The following PTPRD variants were observed in gnomAD, a reference collection of about 807,000 sequenced individuals.
PTPRD encodes receptor-type tyrosine-protein phosphatase delta.
In PTPRD, 34 loss-of-function variants were observed where a neutral mutation model predicts 214.5. The observed-to-expected ratio is 0.16, with a 90% CI of 0.12 to 0.21. The LOEUF (loss-of-function observed/expected upper bound fraction) is 0.21, where lower values mean the gene tolerates loss of function less well. PTPRD is among the 10% of genes least tolerant of loss of function. PTPRD has a pLI of 1.00. For synonymous variants in PTPRD, 1,128 were observed against 845.7 expected, an observed-to-expected ratio of 1.33 and a Z score of -5.79; for missense variants, 2,545 against 2,398.7, an observed-to-expected ratio of 1.06 and a Z score of -1.27.
intron 12 of PTPRD, among the ~76,000 whole-genome samples, chr9:8,638,878 C>T (rs2096508537): frequency 4.6e-5 from 7 of 152,176 alleles, no homozygotes; most frequent in Admixed American, 3.3e-4. Flanking sequence ...GAGTCTCACT[C>T]TGTCGCCAGG....
At chr9:9,437,491 A>C (rs1221853040) in intron 8 of PTPRD, among the ~76,000 whole-genome samples, 1 of 152,012 alleles carries the variant, frequency 6.6e-6, no homozygotes, top group Non-Finnish European at 1.5e-5. Context: ...TGCGATTTTT[A>C]ATATATTTTA....
chr9:10,505,698 A>AC (rs1210341318), intron 2 of PTPRD, among the ~76,000 whole-genome samples: 3 of 152,152 alleles, frequency 2.0e-5, no homozygotes, highest in African/African-American at 4.8e-5. Context: ...AAAAAAAAAA[A>AC]AACTGCAGAT....
At chr9:10,294,165 T>C (rs916311612) in intron 3 of PTPRD, among the ~76,000 whole-genome samples, 1 of 151,952 alleles carries the variant, frequency 6.6e-6, no homozygotes, top group Non-Finnish European at 1.5e-5. Flanking sequence ...CAGTAAACAC[T>C]GCCCAAAAAC....
chr9:10,365,981 C>G (rs1449033449), intron 2 of PTPRD, among the ~76,000 whole-genome samples: 1 of 152,118 alleles, frequency 6.6e-6, no homozygotes, highest in Non-Finnish European at 1.5e-5. Flanking sequence ...ACTAAACAGT[C>G]AAATGCAGAA....
At chr9:9,870,207 A>G (rs953986415) in intron 5 of PTPRD, among the ~76,000 whole-genome samples, 10 of 152,042 alleles carry the variant, frequency 6.6e-5, no homozygotes, top group African/African-American at 2.4e-4. Context: ...AATAATTTCT[A>G]TTTTGAAGTA....
At chr9:8,666,270 T>A (rs190078260) in intron 12 of PTPRD, among the ~76,000 whole-genome samples, 2 of 152,336 alleles carry the variant, frequency 1.3e-5, no homozygotes, top group African/African-American at 4.8e-5. Context: ...ATGCTGATTA[T>A]GATTCATTTC....
chr9:10,510,928 C>A (rs1035552607), intron 2 of PTPRD, among the ~76,000 whole-genome samples: 2 of 152,068 alleles, frequency 1.3e-5, no homozygotes, highest in Non-Finnish European at 2.9e-5. Context: ...CTTTTAGTTC[C>A]CACATATGAC....
chr9:9,963,107 T>A (rs557713198), intron 4 of PTPRD, among the ~76,000 whole-genome samples: 147 of 152,218 alleles, frequency 9.7e-4, no homozygotes, highest in Admixed American at 3.7e-3. Flanking sequence ...TAGTAACAAG[T>A]TTAGTAGAAA....
chr9:9,645,046 T>A (rs1160838936), intron 7 of PTPRD, among the ~76,000 whole-genome samples: 2 of 152,238 alleles, frequency 1.3e-5, no homozygotes, highest in Admixed American at 1.3e-4. Context: ...CTTAGCCATC[T>A]GCAGACAGCA....
At chr9:8,986,674 AT>A (rs1047278661) in intron 11 of PTPRD, among the ~76,000 whole-genome samples, 9 of 152,052 alleles carry the variant, frequency 5.9e-5, no homozygotes, top group African/African-American at 2.2e-4. Context: ...TAGAACACAA[AT>A]TTTGTAAAAA....
chr9:8,564,092 T>C (rs1002413001), intron 14 of PTPRD, among the ~76,000 whole-genome samples: 10 of 152,224 alleles, frequency 6.6e-5, no homozygotes, highest in Non-Finnish European at 1.0e-4. Flanking sequence ...CTGGTGATGC[T>C]GGACAGCAGA....
At chr9:8,391,610 C>G (rs2089591775) in intron 36 of PTPRD, among the ~76,000 whole-genome samples, 2 of 152,160 alleles carry the variant, frequency 1.3e-5, no homozygotes, top group South Asian at 4.1e-4. Context: ...ACTTTCAAAA[C>G]TTTAATTTAG....
In PTPRD at chr9:8,479,130, G is replaced by T. The variant is rs142553150; in HGVS notation, c.3413+4989C>A. Among the ~76,000 whole-genome samples, 89 of 152,324 alleles carry T rather than the reference G, an allele frequency of 5.8e-4. 1 individual carries two copies. The East Asian group carries it at 0.016, about 27-fold the overall frequency. ...TTTCTAAACTTGCCAACCACGGCAA[G>T]TGACACAGCATGGCACGGAGCTTCT... is the stretch of plus-strand genomic sequence containing the variant. On this transcript the variant is annotated intron_variant, in intron 30 of 45. Coordinates refer to ENST00000381196, the MANE Select transcript of PTPRD (RefSeq NM_002839.4).
At chr9:9,813,366 AAAAC>A (rs1399916793) in intron 5 of PTPRD, among the ~76,000 whole-genome samples, 1 of 130,884 alleles carries the variant, frequency 7.6e-6, no homozygotes, top group Non-Finnish European at 1.5e-5. Context: ...TTTCTAAAGA[AAAAC>A]AAAATTGATA....
At position 8,713,849 on chromosome 9, in the gene PTPRD, G is replaced by T; in HGVS notation, c.64+19931C>A. On this transcript the variant is annotated intron_variant, in intron 12 of 45. Transcript: ENST00000381196. ...CCCAACACCTTCTTCTAGGTGCAGG[G>T]CCCTCGCCCGGGTGCGCCCCAAATA... 5.7e-6 allele frequency: 8 copies of T among 1,409,328 alleles called. 1 individual carries two copies. In the South Asian group the frequency reaches 9.9e-5, roughly 17 times the overall value. 87.3% of individuals were successfully genotyped at this position (1,409,328 alleles called of 1,614,324 possible). A position where few individuals can be genotyped will look rare whatever the true frequency, so the allele number is the denominator to read the frequency against.
intron 10 of PTPRD, among the ~76,000 whole-genome samples, chr9:9,117,242 T>G (rs1569546665): frequency 6.6e-6 from 1 of 150,890 alleles, no homozygotes; most frequent in Non-Finnish European, 1.5e-5. Context: ...TTTTGTACTT[T>G]CAGGGTATGA....
intron 9 of PTPRD, among the ~76,000 whole-genome samples, chr9:9,290,773 T>A (rs1950906762): frequency 2.0e-5 from 3 of 151,534 alleles, no homozygotes. Context: ...CATGGGAGAT[T>A]CATTTGCTAA....
At chr9:9,330,193 C>T (rs2136478071) in intron 9 of PTPRD, among the ~76,000 whole-genome samples, 1 of 152,224 alleles carries the variant, frequency 6.6e-6, no homozygotes, top group South Asian at 2.1e-4. Flanking sequence ...TTTCCTGACA[C>T]CCAAAATACA....
chr9:10,032,336 A>C (rs1008184930), intron 4 of PTPRD, among the ~76,000 whole-genome samples: 1 of 152,200 alleles, frequency 6.6e-6, no homozygotes, highest in Non-Finnish European at 1.5e-5. Flanking sequence ...AAGGGATTCT[A>C]CAATACAGTG....
Sources: allele counts gnomAD v4.1 joint callset (sites outside exome capture counted in the v4.1 genomes callset), GRCh38; gene constraint gnomAD v4.1.1; transcripts MANE v1.5; gene names NCBI Gene and HGNC (gene_info 2026-07-23, HGNC 2026-07-21).